MAGI2: variants seen among roughly 807,000 people sequenced by gnomAD.
MAGI2 encodes the protein membrane associated guanylate kinase, WW and PDZ domain containing 2.
MAGI2 carries 35 observed loss-of-function variants against 133.3 expected under a neutral mutation model. The ratio of observed to expected loss-of-function variants is 0.26; its 90% CI spans 0.20 to 0.35. The LOEUF is 0.35. MAGI2 is among the 10% of genes least tolerant of loss of function. The probability of loss-of-function intolerance (pLI) is 1.00; values close to 1 mark genes in which losing one functional copy is unlikely to be tolerated. For synonymous variants in MAGI2, 729 were observed against 710.6 expected, an observed-to-expected ratio of 1.03 and a Z score of -0.41; for missense variants, 1,636 against 1,863.4, an observed-to-expected ratio of 0.88 and a Z score of 2.25.
Position 78,553,142 on chromosome 7 carries a change from G to T in MAGI2, c.539-31497C>A, listed in dbSNP as rs1360158674. 2.0e-5 allele frequency among the ~76,000 whole-genome samples: 3 copies of T among 147,940 alleles called. No homozygotes were observed. In the Admixed American group the frequency reaches 2.0e-4, roughly 10 times the overall value. ...AAAGTGTATTCCAGAGCCCAGATTT[G>T]TCCTTTCATAAAAGGGTAACGGCCT... On this transcript the variant is annotated intron_variant, in intron 3 of 21. Transcript: ENST00000354212.
At chr7:78,231,853 T>C (rs552673263) in intron 10 of MAGI2, among the ~76,000 whole-genome samples, 3 of 152,340 alleles carry the variant, frequency 2.0e-5, no homozygotes, top group Non-Finnish European at 4.4e-5. Flanking sequence ...ACTGAATAGC[T>C]GGACTTGTCT....
Position 78,019,234 on chromosome 7 carries a change from A to G in MAGI2, c.*81T>C. 1 of 1,498,716 alleles carries G rather than the reference A, an allele frequency of 6.7e-7. No homozygotes were observed. The highest frequency in any genetic ancestry group is 9.0e-7 in the Non-Finnish European group (1 of 1,112,826). 92.8% of individuals were successfully genotyped at this position (1,498,716 alleles called of 1,614,324 possible). ...CGTGGATCTATGCGTGTGACAGTGA[A>G]AATAAATTAAAACGCCGTGAGACGG... is the stretch of plus-strand genomic sequence containing the variant. On this transcript the variant is annotated 3_prime_UTR_variant, in exon 22 of 22. Coordinates refer to ENST00000354212, the MANE Select transcript of MAGI2 (RefSeq NM_012301.4).
At chr7:79,389,925 C>G (rs904576706) in intron 1 of MAGI2, among the ~76,000 whole-genome samples, 2 of 152,080 alleles carry the variant, frequency 1.3e-5, no homozygotes, top group African/African-American at 4.8e-5. Context: ...GATTCAAATG[C>G]TATGAGGAGT....
chr7:78,183,527 G>C (rs956316314), intron 13 of MAGI2, among the ~76,000 whole-genome samples: 2 of 151,952 alleles, frequency 1.3e-5, no homozygotes, highest in African/African-American at 4.8e-5. Flanking sequence ...GCCTCCCAAA[G>C]TGCTGGGATT....
chr7:79,171,432 C>T (rs961266247), intron 1 of MAGI2, among the ~76,000 whole-genome samples: 4 of 151,736 alleles, frequency 2.6e-5, no homozygotes, highest in Non-Finnish European at 5.9e-5. Context: ...CCAATAAGCT[C>T]ATATTATTCT....
intron 2 of MAGI2, among the ~76,000 whole-genome samples, chr7:78,971,803 G>T (rs919456943): frequency 4.0e-5 from 6 of 151,808 alleles, no homozygotes; most frequent in Admixed American, 2.0e-4. Flanking sequence ...TGTATAATGG[G>T]GGTTTCATCA....
intron 1 of MAGI2, among the ~76,000 whole-genome samples, chr7:79,137,345 T>A (rs1410764268): frequency 6.6e-6 from 1 of 152,092 alleles, no homozygotes; most frequent in East Asian, 1.9e-4. Context: ...TTCTGAGGGA[T>A]GCCATGGGAG....
At chr7:79,159,955 T>C (rs1208616529) in intron 1 of MAGI2, among the ~76,000 whole-genome samples, 3 of 152,102 alleles carry the variant, frequency 2.0e-5, no homozygotes, top group Non-Finnish European at 4.4e-5. Flanking sequence ...AAATTAAAGG[T>C]CTCTAATCAA....
chr7:78,037,345 C>A (rs1188179153), intron 21 of MAGI2, among the ~76,000 whole-genome samples: 3 of 152,130 alleles, frequency 2.0e-5, no homozygotes, highest in Admixed American at 2.0e-4. Flanking sequence ...CCTTTCTACT[C>A]CTGTGTTGTG....
At position 78,019,695 on chromosome 7, in the gene MAGI2, C is replaced by A. The variant is rs759283128; in HGVS notation, c.3988G>T (p.Glu1330Ter). The A allele has an allele frequency of 6.5e-7, 1 of 1,538,506 alleles. No homozygotes were observed. The highest frequency in any genetic ancestry group is 8.7e-7 in the Non-Finnish European group (1 of 1,151,426). Reference sequence around the variant, plus strand: ...GGCCGCCCCTGGCCGCCGGGCGCCTCCTCGAGCCTCGGCCGCGCGGCCCTC... The same window carrying A: ...GGCCGCCCCTGGCCGCCGGGCGCCTACTCGAGCCTCGGCCGCGCGGCCCTC... ...PQRAARPRLEEAPGGQGRPEA... is the reference protein window; with the variant it reads ...PQRAARPRLE The change falls in exon 22 of 22, where the codon GAG becomes TAG. Residue 1330 changes from glutamate (E) to a stop codon, truncating the protein, a stop_gained. Coordinates refer to ENST00000354212, the MANE Select transcript of MAGI2 (RefSeq NM_012301.4). LOFTEE classifies it low-confidence loss of function (END_TRUNC).
At chr7:78,890,606 A>G (rs1796660452) in intron 2 of MAGI2, among the ~76,000 whole-genome samples, 1 of 152,270 alleles carries the variant, frequency 6.6e-6, no homozygotes, top group Non-Finnish European at 1.5e-5. Flanking sequence ...TGGAAACTGA[A>G]CAACCTGCTC....
intron 2 of MAGI2, among the ~76,000 whole-genome samples, chr7:78,737,939 A>C (rs1822029109): frequency 6.6e-6 from 1 of 151,938 alleles, no homozygotes; most frequent in African/African-American, 2.4e-5. Context: ...AAATATTAAA[A>C]CCCTGCTTAC....
chr7:79,039,199 A>G (rs1357073286), intron 1 of MAGI2, among the ~76,000 whole-genome samples: 1 of 151,654 alleles, frequency 6.6e-6, no homozygotes, highest in Non-Finnish European at 1.5e-5. Flanking sequence ...GGCTTTCCCC[A>G]CCTTCGCTCT....
intron 6 of MAGI2, among the ~76,000 whole-genome samples, chr7:78,466,737 A>G (rs1790675451): frequency 1.3e-5 from 2 of 152,092 alleles, no homozygotes; most frequent in Middle Eastern, 3.2e-3. Flanking sequence ...TTCTGCAGGT[A>G]TTAACTCATT....
chr7:78,628,997 A>G (rs932884090), intron 2 of MAGI2, among the ~76,000 whole-genome samples: 4 of 152,088 alleles, frequency 2.6e-5, no homozygotes, highest in African/African-American at 4.8e-5. Context: ...CAGAAGCTGC[A>G]CACTTTAACT....
At chr7:78,625,074 G>A (rs1311472433) in intron 3 of MAGI2, among the ~76,000 whole-genome samples, 1 of 152,120 alleles carries the variant, frequency 6.6e-6, no homozygotes, top group African/African-American at 2.4e-5. Flanking sequence ...CAGTGATACT[G>A]ATGATCCTGA....
At chr7:79,416,181 G>A (rs1846496605) in intron 1 of MAGI2, among the ~76,000 whole-genome samples, 1 of 152,030 alleles carries the variant, frequency 6.6e-6, no homozygotes. Flanking sequence ...AATATTACAC[G>A]CCAAATTTTC....
intron 20 of MAGI2, among the ~76,000 whole-genome samples, chr7:78,085,067 G>T (rs1201091590): frequency 6.6e-6 from 1 of 152,198 alleles, no homozygotes; most frequent in Non-Finnish European, 1.5e-5. Context: ...AGGCACAGGA[G>T]CCCATAAAAT....
At chr7:78,243,342 G>T (rs1791397078) in intron 10 of MAGI2, among the ~76,000 whole-genome samples, 1 of 151,592 alleles carries the variant, frequency 6.6e-6, no homozygotes, top group Non-Finnish European at 1.5e-5. Context: ...CGTATATGGT[G>T]TTATGTATAT....
Sources: gnomAD v4.1 joint callset for allele counts (sites outside exome capture counted in the v4.1 genomes callset) on GRCh38, gnomAD v4.1.1 for gene constraint, MANE v1.5 for transcripts, NCBI Gene and HGNC (gene_info 2026-07-23, HGNC 2026-07-21) for gene names.